ACBD6: variants seen among roughly 807,000 people sequenced by gnomAD.
The protein encoded by ACBD6 is acyl-CoA binding domain containing 6, also known as acyl-CoA-binding domain-containing protein 6.
ACBD6 carries 28 observed loss-of-function variants against 37.2 expected under a neutral mutation model. That is an observed-to-expected ratio of 0.75 (90% CI 0.56 to 1.03). The LOEUF (loss-of-function observed/expected upper bound fraction) is 1.03. Among genes scored for constraint, ACBD6 ranks in the 50% least tolerant of loss-of-function variants. The pLI is 0.00. For synonymous variants in ACBD6, 113 were observed against 126.8 expected (o/e 0.89, Z 0.73); for missense variants, 340 against 337.4 (o/e 1.01, Z -0.06).
chr1:180,364,709 C>T (rs1652982645), intron 6 of ACBD6, among the ~76,000 whole-genome samples: 2 of 82,822 alleles, frequency 2.4e-5, no homozygotes, highest in South Asian at 5.2e-4. Context: ...GGGAGTTGAA[C>T]CAGATGATCT....
At chr1:180,282,225 T>C (rs1318357274) in intron 8 of ACBD6, among the ~76,000 whole-genome samples, 1 of 152,188 alleles carries the variant, frequency 6.6e-6, no homozygotes, top group Non-Finnish European at 1.5e-5. Flanking sequence ...GAGAGGCTTT[T>C]TTAAAAAAAT....
At chr1:180,415,672 C>T (rs183534263) in intron 4 of ACBD6, among the ~76,000 whole-genome samples, 17 of 152,250 alleles carry the variant, frequency 1.1e-4, no homozygotes, top group Admixed American at 8.5e-4. Flanking sequence ...GGATCCTTGG[C>T]ATGTGGGTTA....
chr1:180,440,493 A>T (rs1649237027), intron 3 of ACBD6, among the ~76,000 whole-genome samples: 1 of 152,220 alleles, frequency 6.6e-6, no homozygotes, highest in Non-Finnish European at 1.5e-5. Context: ...TGTACAATTG[A>T]ATGACATTTA....
chr1:180,412,929 T>C (rs1174035925), intron 5 of ACBD6, among the ~76,000 whole-genome samples: 1 of 152,184 alleles, frequency 6.6e-6, no homozygotes, highest in Non-Finnish European at 1.5e-5. Context: ...CTTTAATTAG[T>C]AGGCCAGCAT....
chr1:180,338,936 A>G (rs1009863230), intron 6 of ACBD6, among the ~76,000 whole-genome samples: 44 of 152,384 alleles, frequency 2.9e-4, no homozygotes, highest in African/African-American at 1.0e-3. Context: ...AAAGATGCTT[A>G]TCATCACTGG....
chr1:180,325,512 C>A (rs551355836), intron 6 of ACBD6, among the ~76,000 whole-genome samples: 1 of 152,222 alleles, frequency 6.6e-6, no homozygotes, highest in African/African-American at 2.4e-5. Context: ...TTCCTCAAAA[C>A]AGTTATTTTG....
At chr1:180,457,685 TAGA>T (rs1403616715) in intron 3 of ACBD6, among the ~76,000 whole-genome samples, 2 of 152,048 alleles carry the variant, frequency 1.3e-5, no homozygotes, top group African/African-American at 2.4e-5. Flanking sequence ...GCAAAATTAA[TAGA>T]AGAAGCCAGA....
At chr1:180,472,258 TTGATGTGTAACGTTTAGG>T (rs1650599239) in intron 3 of ACBD6, among the ~76,000 whole-genome samples, 1 of 152,128 alleles carries the variant, frequency 6.6e-6, no homozygotes, top group African/African-American at 2.4e-5. Flanking sequence ...TATTCAAGAG[TTGATGTGTAACGTTTAGG>T]TGATGTGTGG....
At chr1:180,448,517 T>C (rs976339076) in intron 3 of ACBD6, among the ~76,000 whole-genome samples, 5 of 152,200 alleles carry the variant, frequency 3.3e-5, no homozygotes, top group Admixed American at 2.6e-4. Context: ...TTTGTCTTTA[T>C]TGTCCTTGTT....
intron 1 of ACBD6, 119 bp from the exon 2 acceptor site, chr1:180,495,644 A>G: frequency 1.4e-6 from 1 of 718,896 alleles, no homozygotes; most frequent in Non-Finnish European, 2.3e-6. Flanking sequence ...TTGCATCTAT[A>G]TGGAATAGCA....
chr1:180,380,979 C>G (rs1653623353), intron 6 of ACBD6, among the ~76,000 whole-genome samples: 1 of 152,028 alleles, frequency 6.6e-6, no homozygotes, highest in African/African-American at 2.4e-5. Context: ...AGAAACTCAT[C>G]TCACCTGTAA....
chr1:180,406,343 G>T (rs1477321612), intron 5 of ACBD6, among the ~76,000 whole-genome samples: 1 of 152,132 alleles, frequency 6.6e-6, no homozygotes, highest in Non-Finnish European at 1.5e-5. Flanking sequence ...TTTCCTTGGA[G>T]TGTCACACTG....
chr1:180,497,852 G>A (rs1387729210), intron 1 of ACBD6, among the ~76,000 whole-genome samples: 1 of 152,180 alleles, frequency 6.6e-6, no homozygotes, highest in Non-Finnish European at 1.5e-5. Flanking sequence ...GTTAGAAAGA[G>A]AGAGAAGTAT....
chr1:180,385,912 G>T (rs919054027), intron 6 of ACBD6, among the ~76,000 whole-genome samples: 1 of 152,212 alleles, frequency 6.6e-6, no homozygotes, highest in East Asian at 1.9e-4. Flanking sequence ...GCTCACACCT[G>T]TAATCCCAGC....
At chr1:180,285,985 C>G (rs1403789926), downstream of ACBD6, among the ~76,000 whole-genome samples, 1 of 152,094 alleles carries the variant, frequency 6.6e-6, no homozygotes, top group East Asian at 1.9e-4. Flanking sequence ...TGGTAATTCA[C>G]TACTTTCTAT....
intron 4 of ACBD6, among the ~76,000 whole-genome samples, chr1:180,424,106 G>C (rs1477125367): frequency 6.6e-6 from 1 of 152,052 alleles, no homozygotes; most frequent in Non-Finnish European, 1.5e-5. Flanking sequence ...TCATTAACTA[G>C]AGATTATGAT....
intron 3 of ACBD6, among the ~76,000 whole-genome samples, chr1:180,488,801 A>C (rs956309967): frequency 2.6e-5 from 4 of 152,004 alleles, no homozygotes; most frequent in African/African-American, 4.8e-5. Flanking sequence ...GGCTGCTCTC[A>C]AACTCCTGGC....
chr1:180,465,123 T>C (rs1477911865), intron 3 of ACBD6, among the ~76,000 whole-genome samples: 2 of 152,004 alleles, frequency 1.3e-5, no homozygotes, highest in African/African-American at 4.8e-5. Context: ...CAGCAAAGAT[T>C]TCATGACAAA....
intron 6 of ACBD6, among the ~76,000 whole-genome samples, chr1:180,361,535 G>A (rs1398779429): frequency 6.6e-6 from 1 of 152,154 alleles, no homozygotes; most frequent in Non-Finnish European, 1.5e-5. Context: ...TTCTATAAGT[G>A]ATGCTTCTCT....
Sources: allele counts gnomAD v4.1 joint callset (sites outside exome capture counted in the v4.1 genomes callset), GRCh38; gene constraint gnomAD v4.1.1; transcripts MANE v1.5; gene names NCBI Gene and HGNC (gene_info 2026-07-23, HGNC 2026-07-21).